Variants in DPF3 observed in about 807,000 individuals in gnomAD.
The protein encoded by DPF3 is double PHD fingers 3, also known as zinc finger protein DPF3.
DPF3 carries 18 observed loss-of-function variants against 56.8 expected under a neutral mutation model. The ratio of observed to expected loss-of-function variants is 0.32; its 90% CI spans 0.22 to 0.47. The LOEUF is 0.47. Among genes scored for constraint, DPF3 ranks in the 20% least tolerant of loss-of-function variants. DPF3 has a pLI of 1.00. For missense variants in DPF3, 403 were observed against 488.8 expected, an observed-to-expected ratio of 0.82 and a Z score of 1.65; for synonymous variants, 188 against 180.2, an observed-to-expected ratio of 1.04 and a Z score of -0.35.
chr14:72,829,647 G>A (rs896367137), intron 1 of DPF3, among the ~76,000 whole-genome samples: 9 of 152,142 alleles, frequency 5.9e-5, no homozygotes, highest in African/African-American at 1.9e-4. Flanking sequence ...GCCTCCCAAA[G>A]TGCTGGGATT....
intron 1 of DPF3, among the ~76,000 whole-genome samples, chr14:72,801,611 G>C (rs1233413494): frequency 6.6e-6 from 1 of 152,180 alleles, no homozygotes; most frequent in Non-Finnish European, 1.5e-5. Context: ...ACAAAGTTCT[G>C]AGTGGAAGAA....
At chr14:72,865,263 G>T (rs1364147794) in intron 1 of DPF3, among the ~76,000 whole-genome samples, 1 of 152,192 alleles carries the variant, frequency 6.6e-6, no homozygotes, top group Non-Finnish European at 1.5e-5. Context: ...TGCTCTCATG[G>T]AACTTACTTT....
intron 8 of DPF3, among the ~76,000 whole-genome samples, chr14:72,659,475 T>C (rs1886145096): frequency 6.6e-6 from 1 of 152,200 alleles, no homozygotes; most frequent in African/African-American, 2.4e-5. Context: ...ATTATGGACA[T>C]TTGATCATCC....
chr14:72,824,606 C>T (rs1040996971), intron 1 of DPF3, among the ~76,000 whole-genome samples: 1 of 146,970 alleles, frequency 6.8e-6, no homozygotes, highest in Non-Finnish European at 1.5e-5. Context: ...CTCACTCTAT[C>T]GCCCAGGCTG....
intron 3 of DPF3, among the ~76,000 whole-genome samples, chr14:72,750,890 G>C (rs912898554): frequency 6.9e-6 from 1 of 144,060 alleles, no homozygotes; most frequent in African/African-American, 2.5e-5. Context: ...TTTATCTTTT[G>C]AATGTCAAAA....
At chr14:72,879,005 G>A (rs1469734728) in intron 1 of DPF3, among the ~76,000 whole-genome samples, 2 of 152,256 alleles carry the variant, frequency 1.3e-5, no homozygotes, top group Admixed American at 6.5e-5. Context: ...GGGCAGCAGA[G>A]CAGGGTATCT....
intron 1 of DPF3, among the ~76,000 whole-genome samples, chr14:72,804,023 G>A (rs1301490069): frequency 6.6e-6 from 1 of 152,114 alleles, no homozygotes; most frequent in Non-Finnish European, 1.5e-5. Context: ...GCCCAGTCAT[G>A]GTGATAACCC....
At chr14:72,747,350 C>T (rs1890367216) in intron 3 of DPF3, among the ~76,000 whole-genome samples, 1 of 152,160 alleles carries the variant, frequency 6.6e-6, no homozygotes, top group South Asian at 2.1e-4. Flanking sequence ...GTAATAACCC[C>T]AGCCAGCTAA....
chr14:72,864,382 GT>G (rs1885577802), intron 1 of DPF3, among the ~76,000 whole-genome samples: 1 of 152,208 alleles, frequency 6.6e-6, no homozygotes, highest in Non-Finnish European at 1.5e-5. Context: ...TTACACTTGT[GT>G]TTTTGGTCAG....
chr14:72,886,602 G>A (rs1886556479), intron 1 of DPF3, among the ~76,000 whole-genome samples: 1 of 152,098 alleles, frequency 6.6e-6, no homozygotes, highest in South Asian at 2.1e-4. Flanking sequence ...AAGAAAAATT[G>A]AGGGAATGCC....
In DPF3 at chr14:72,617,005, G is replaced by A. The variant is rs1318197417; in HGVS notation, c.*2292C>T. Among the ~76,000 whole-genome samples the A allele has an allele frequency of 3.9e-5, 6 of 152,110 alleles. No individual in the cohort carries two copies. Among genetic ancestry groups the A allele is most frequent in the African/African-American group, 1.4e-4 (6 of 41,406 alleles). On this transcript the variant is annotated 3_prime_UTR_variant, in exon 11 of 11. Transcript: ENST00000556509. The stretch of plus-strand genomic sequence containing the variant: ...AATGAAGCTGAGAGGGGAACTCCGG[G>A]GCCATCCTAACGTCACTCCAGAGCC...
chr14:72,847,238 C>T (rs1013603372), intron 1 of DPF3, among the ~76,000 whole-genome samples: 4 of 152,168 alleles, frequency 2.6e-5, no homozygotes, highest in South Asian at 2.1e-4. Context: ...AAGAGCTTCA[C>T]GTGTGTGGTC....
intron 1 of DPF3, among the ~76,000 whole-genome samples, chr14:72,824,551 C>CTTTTTTTTTT (rs375498304): frequency 2.8e-5 from 4 of 143,244 alleles, no homozygotes; most frequent in African/African-American, 7.7e-5. Context: ...TTTTCTTTTT[C>CTTTTTTTTTT]TTTTTTTTTT....
At chr14:72,745,286 T>C (rs1220960927) in intron 3 of DPF3, among the ~76,000 whole-genome samples, 1 of 152,230 alleles carries the variant, frequency 6.6e-6, no homozygotes, top group Non-Finnish European at 1.5e-5. Flanking sequence ...TTGTTTTTTT[T>C]CGCCACTTAG....
At chr14:72,825,884 G>A (rs72730378) in intron 1 of DPF3, among the ~76,000 whole-genome samples, 12,154 of 152,344 alleles carry the variant, frequency 0.08, 721 homozygotes, top group South Asian at 0.18. Context: ...TGTGGCCATG[G>A]AGGTGGGAGG....
chr14:72,848,233 G>A (rs531724944), intron 1 of DPF3, among the ~76,000 whole-genome samples: 249 of 151,860 alleles, frequency 1.6e-3, no homozygotes, highest in African/African-American at 5.7e-3. Context: ...GCGCGATCTC[G>A]GCTCACTGCA....
rs530741385 is a variant in DPF3, at chr14:72,893,348, C to T, written c.32+709G>A. Among the ~76,000 whole-genome samples, 5 of 152,318 alleles carry T rather than the reference C, an allele frequency of 3.3e-5. No individual in the cohort carries two copies. In the East Asian group the frequency reaches 9.7e-4, roughly 30 times the overall value. ...AGTCGTTAATCCACTAAAGCCAGCT[C>T]GCTCGCAAATACACGAGCAGACACA... is the stretch of plus-strand genomic sequence containing the variant. On this transcript the variant is annotated intron_variant, in intron 1 of 10. Transcript: ENST00000556509.
intron 3 of DPF3, among the ~76,000 whole-genome samples, chr14:72,743,879 C>T (rs974986532): frequency 7.2e-5 from 11 of 152,216 alleles, no homozygotes; most frequent in African/African-American, 2.7e-4. Flanking sequence ...ACCTTGCATT[C>T]GCCTCTGTGG....
chr14:72,832,463 A>T (rs1448814392), intron 1 of DPF3, among the ~76,000 whole-genome samples: 3 of 152,184 alleles, frequency 2.0e-5, no homozygotes, highest in Non-Finnish European at 4.4e-5. Context: ...AGCAGTCCGC[A>T]GCTACAGCAA....
Sources: allele counts gnomAD v4.1 joint callset (sites outside exome capture counted in the v4.1 genomes callset), GRCh38; gene constraint gnomAD v4.1.1; transcripts MANE v1.5; gene names NCBI Gene and HGNC (gene_info 2026-07-23, HGNC 2026-07-21).